Variants in HDHD2 observed in about 807,000 individuals in gnomAD.
The protein encoded by HDHD2 is haloacid dehalogenase-like hydrolase domain-containing protein 2.
Under a neutral mutation model 24.8 loss-of-function variants are expected in HDHD2, and 26 were observed. The ratio of observed to expected loss-of-function variants is 1.05; its 90% CI spans 0.77 to 1.45. The LOEUF (loss-of-function observed/expected upper bound fraction) is 1.45. Among genes scored for constraint, HDHD2 ranks in the 40% most tolerant of loss-of-function variants. The probability of loss-of-function intolerance (pLI) is 0.00; values close to 1 mark genes in which losing one functional copy is unlikely to be tolerated. For missense variants in HDHD2, 299 were observed against 313.4 expected (o/e 0.95, Z 0.35); for synonymous variants, 128 against 114.9 (o/e 1.11, Z -0.73).
rs180831553 is a variant in HDHD2 at position 47,137,630 on chromosome 18, T to A, written c.-10-1181A>T. Among the ~76,000 whole-genome samples, 29 of 152,282 alleles carry A rather than the reference T, an allele frequency of 1.9e-4. No homozygotes were observed. The East Asian group carries it at 4.6e-3, about 24-fold the overall frequency. On this transcript the variant is annotated intron_variant, in intron 1 of 6. Coordinates refer to ENST00000300605, the MANE Select transcript of HDHD2 (RefSeq NM_032124.5). ...CTATCTTTACATTTCAGTAAGTTAT[T>A]TTGCTCTGTTTTAACAACAACAACA...
At position 47,148,381 on chromosome 18, in the gene HDHD2, T is replaced by C. The variant is rs113456223; in HGVS notation, c.-11+1997A>G. ...ACTAATATAACCCTCAAAATAACTA[T>C]AAAGGCTTCAAAGGTAGTGCCTGAT... On this transcript the variant is annotated intron_variant, in intron 1 of 6. Transcript: ENST00000300605. Among the ~76,000 whole-genome samples the C allele has an allele frequency of 6.6e-3, 1,010 of 152,300 alleles. 13 individuals carry two copies. Among genetic ancestry groups the C allele is most frequent in the African/African-American group, 0.024 (978 of 41,562 alleles).
chr18:47,111,472 A>G, intron 6 of HDHD2: 1 of 985,040 alleles, frequency 1.0e-6, no homozygotes, highest in Non-Finnish European at 1.2e-6. Flanking sequence ...AGAAAATAAA[A>G]CAGCAAAAGG....
chr18:47,148,629 C>T (rs926574101), intron 1 of HDHD2, among the ~76,000 whole-genome samples: 2 of 152,238 alleles, frequency 1.3e-5, no homozygotes, highest in Non-Finnish European at 2.9e-5. Flanking sequence ...CTCAAAGGTG[C>T]TCTTTCCCAG....
chr18:47,139,508 T>C (rs892728897), intron 1 of HDHD2, among the ~76,000 whole-genome samples: 6 of 149,666 alleles, frequency 4.0e-5, no homozygotes, highest in East Asian at 2.0e-4. Flanking sequence ...TGTAGTACAT[T>C]GATAAATGTA....
intron 4 of HDHD2, among the ~76,000 whole-genome samples, chr18:47,129,762 T>C (rs114731667): frequency 8.5e-5 from 13 of 152,268 alleles, no homozygotes; most frequent in African/African-American, 3.1e-4. Flanking sequence ...TAGAGAATCA[T>C]AGGAGTAATA....
chr18:47,147,670 T>C (rs532999163), intron 1 of HDHD2, among the ~76,000 whole-genome samples: 1 of 152,332 alleles, frequency 6.6e-6, no homozygotes, highest in East Asian at 1.9e-4. Context: ...AACTGTACTA[T>C]TTACTTGGAG....
chr18:47,141,108 A>C (rs1414172885), intron 1 of HDHD2, among the ~76,000 whole-genome samples: 3 of 152,198 alleles, frequency 2.0e-5, no homozygotes, highest in Non-Finnish European at 4.4e-5. Context: ...AACTCTGCTG[A>C]TATTTCAGCC....
At chr18:47,128,990 A>T (rs1280174365) in intron 4 of HDHD2, among the ~76,000 whole-genome samples, 2 of 152,070 alleles carry the variant, frequency 1.3e-5, no homozygotes, top group African/African-American at 4.8e-5. Context: ...TGGTAAGAAA[A>T]TTCTGGTTTG....
In HDHD2 at chr18:47,108,874, C is replaced by G. The variant is rs2063493915; in HGVS notation, c.677-89G>C. 4 of 740,656 alleles carry G rather than the reference C, an allele frequency of 5.4e-6. No individual in the cohort carries two copies. The East Asian group carries it at 1.1e-4, about 20-fold the overall frequency. The allele number at this position is 740,656 out of a possible 1,614,324, so 45.9% of individuals were successfully genotyped here. A position where few individuals can be genotyped will look rare whatever the true frequency, so the allele number is the denominator to read the frequency against. Reference sequence around the variant, plus strand: ...ATGAGCACCTGGGTCATCACAGCACCACCCTTACAGTTAAGACAGAATCAG... The same window carrying G: ...ATGAGCACCTGGGTCATCACAGCACGACCCTTACAGTTAAGACAGAATCAG... On this transcript the variant is annotated intron_variant, in intron 6 of 6. Coordinates refer to ENST00000300605, the MANE Select transcript of HDHD2 (RefSeq NM_032124.5).
At chr18:47,124,728 A>AC (rs1555650011) in intron 4 of HDHD2, among the ~76,000 whole-genome samples, 2,101 of 149,122 alleles carry the variant, frequency 0.014, 62 homozygotes, top group African/African-American at 0.05. Context: ...AAAAAAAAAA[A>AC]CAACTTTGAC....
At chr18:47,148,658 G>A (rs916137879) in intron 1 of HDHD2, among the ~76,000 whole-genome samples, 1 of 152,196 alleles carries the variant, frequency 6.6e-6, no homozygotes, top group Non-Finnish European at 1.5e-5. Flanking sequence ...ATGAGTGGTT[G>A]GCAGCACCAT....
At chr18:47,146,400 C>T (rs1164219554) in intron 1 of HDHD2, among the ~76,000 whole-genome samples, 1 of 152,150 alleles carries the variant, frequency 6.6e-6, no homozygotes, top group Non-Finnish European at 1.5e-5. Flanking sequence ...CAGCAATTCC[C>T]ACATGCTGCT....
intron 5 of HDHD2, among the ~76,000 whole-genome samples, chr18:47,113,730 T>A (rs535933606): frequency 2.6e-5 from 4 of 152,286 alleles, no homozygotes; most frequent in African/African-American, 9.6e-5. Context: ...CAGGATTGAT[T>A]CAGACCATGC....
intron 1 of HDHD2, 108 bp from the exon 2 acceptor site, chr18:47,136,557 T>G (rs1202267041): frequency 2.5e-6 from 2 of 787,236 alleles, no homozygotes; most frequent in Non-Finnish European, 3.7e-6. Context: ...TCCTGCTTAG[T>G]GTTAAGCTGC....
intron 1 of HDHD2, among the ~76,000 whole-genome samples, chr18:47,145,142 A>G: frequency 6.6e-6 from 1 of 152,240 alleles, no homozygotes; most frequent in East Asian, 1.9e-4. Context: ...AATGGCAAAG[A>G]GAAGATCTTG....
At chr18:47,111,458 A>G (rs1898217957) in intron 6 of HDHD2, 1 of 984,462 alleles carries the variant, frequency 1.0e-6, no homozygotes, top group African/African-American at 1.7e-5. Context: ...TTTCTTCAAT[A>G]ATGAGAAAAT....
At chr18:47,149,873 G>C (rs780799779) in intron 1 of HDHD2, among the ~76,000 whole-genome samples, 2 of 152,108 alleles carry the variant, frequency 1.3e-5, no homozygotes, top group Non-Finnish European at 2.9e-5. Context: ...GGGTTATTTA[G>C]GCGTTCAATA....
chr18:47,129,632 T>A (rs2063693161), intron 4 of HDHD2, among the ~76,000 whole-genome samples: 3 of 152,312 alleles, frequency 2.0e-5, no homozygotes, highest in Non-Finnish European at 4.4e-5. Context: ...TATTTTAAAG[T>A]GTGGTCAAAT....
rs1426637663 is a variant in HDHD2, at chr18:47,134,483, A to G, written c.310+13T>C. On this transcript the variant is annotated intron_variant, in intron 3 of 6. Coordinates refer to ENST00000300605, the MANE Select transcript of HDHD2 (RefSeq NM_032124.5). ...TAAATATCCAATCTTTAAATTTTCC[A>G]AATTTCCCCTACCTTTGAAATCAGG... 6.2e-7 allele frequency: 1 copy of G among 1,603,064 alleles called. No homozygotes were observed. The highest frequency in any genetic ancestry group is 8.5e-7 in the Non-Finnish European group (1 of 1,170,948).
Sources: gnomAD v4.1 joint callset for allele counts (sites outside exome capture counted in the v4.1 genomes callset) on GRCh38, gnomAD v4.1.1 for gene constraint, MANE v1.5 for transcripts, NCBI Gene and HGNC (gene_info 2026-07-23, HGNC 2026-07-21) for gene names.